Variants in GLE1 observed in about 807,000 individuals in gnomAD.
GLE1 encodes GLE1 RNA export mediator.
GLE1 carries 78 observed loss-of-function variants against 97.3 expected under a neutral mutation model. That is an observed-to-expected ratio of 0.80 (90% CI 0.67 to 0.97). The LOEUF (loss-of-function observed/expected upper bound fraction) is 0.97. GLE1 is among the 50% of genes least tolerant of loss of function. GLE1 has a pLI of 0.00. For missense variants in GLE1, 753 were observed against 857.5 expected, an observed-to-expected ratio of 0.88 and a Z score of 1.52; for synonymous variants, 302 against 313.4, an observed-to-expected ratio of 0.96 and a Z score of 0.39.
At chr9:128,511,360 A>C (rs565657677) in intron 2 of GLE1, among the ~76,000 whole-genome samples, 155 of 151,110 alleles carry the variant, frequency 1.0e-3, no homozygotes, top group African/African-American at 3.6e-3. Context: ...ATTTTTAGCA[A>C]CTGAACGTCT....
chr9:128,528,022 C>G (rs1847357773), intron 9 of GLE1, among the ~76,000 whole-genome samples: 1 of 115,192 alleles, frequency 8.7e-6, no homozygotes, highest in African/African-American at 3.4e-5. Flanking sequence ...TTTTTTGAGA[C>G]AGAGTCTTGC....
chr9:128,527,254 T>C lies in GLE1; in HGVS notation c.1205T>C (p.Leu402Ser), dbSNP rs1255169715. 1 of 1,611,442 alleles carries C rather than the reference T, an allele frequency of 6.2e-7. No individual in the cohort carries two copies. Among genetic ancestry groups the C allele is most frequent in the Admixed American group, 1.7e-5 (1 of 60,008 alleles). ...QLQDASMQCV[L>S]TFEGLTNSKD... ...CAGGATGCTTCCATGCAGTGTGTGT[T>C]GACCTTTGAGGGCCTGACCAACAGC... The change falls in exon 8 of 16, where the codon TTG becomes TCG. Residue 402 changes from leucine (L) to serine (S), a missense_variant. Coordinates refer to ENST00000309971, the MANE Select transcript of GLE1 (RefSeq NM_001003722.2).
chr9:128,532,351 G>C (rs1168342737), intron 9 of GLE1, among the ~76,000 whole-genome samples: 1 of 150,146 alleles, frequency 6.7e-6, no homozygotes, highest in Non-Finnish European at 1.5e-5. Flanking sequence ...CAGCCTCCCC[G>C]AGTAGCTGGG....
intron 4 of GLE1, among the ~76,000 whole-genome samples, chr9:128,523,039 C>T (rs532343942): frequency 8.6e-5 from 13 of 151,934 alleles, no homozygotes; most frequent in Non-Finnish European, 1.3e-4. Flanking sequence ...ATTTTACGGG[C>T]GTGGTGGAAC....
intron 4 of GLE1, 25 bp from the exon 5 acceptor site, chr9:128,523,255 T>A (rs1847204804): frequency 6.4e-7 from 1 of 1,563,996 alleles, no homozygotes; most frequent in Non-Finnish European, 8.8e-7. Context: ...TCCCTGACTA[T>A]TCCTCCCTGC....
intron 15 of GLE1, 43 bp from the exon 16 acceptor site, chr9:128,541,059 T>C: frequency 9.5e-7 from 1 of 1,057,852 alleles, no homozygotes; most frequent in Non-Finnish European, 1.5e-6. Context: ...GGGAACACTG[T>C]TATCAGAAAC....
chr9:128,522,566 G>T (rs1847180112), intron 3 of GLE1, 102 bp from the exon 4 acceptor site: 5 of 1,295,982 alleles, frequency 3.9e-6, no homozygotes, highest in Non-Finnish European at 5.2e-6. Flanking sequence ...GACAAGAATC[G>T]CTTGAACCCG....
chr9:128,505,865 G>A (rs1846626496), intron 1 of GLE1, among the ~76,000 whole-genome samples: 1 of 152,182 alleles, frequency 6.6e-6, no homozygotes, highest in Middle Eastern at 3.2e-3. Context: ...TTTTCCACAT[G>A]AATCGATACC....
chr9:128,506,317 C>T (rs1380395070), intron 1 of GLE1, among the ~76,000 whole-genome samples: 3 of 151,956 alleles, frequency 2.0e-5, no homozygotes, highest in Non-Finnish European at 4.4e-5. Context: ...TGCACTCAAG[C>T]CTGGGTGACA....
chr9:128,541,163 G>T lies in GLE1; in HGVS notation c.2090G>T (p.Arg697Leu). 2 of 1,556,266 alleles carry T rather than the reference G, an allele frequency of 1.3e-6. No homozygotes were observed. Among genetic ancestry groups the T allele is most frequent in the Non-Finnish European group, 1.8e-6 (2 of 1,127,296 alleles). ...PKGFLTSSFW[R>L]S is the part of the protein sequence containing the mutation. Reference sequence around the variant, plus strand: ...GGCTTTCTGACTTCCTCCTTCTGGCGCTCCTGATGTCACTCCATCACCCAC... The same window carrying T: ...GGCTTTCTGACTTCCTCCTTCTGGCTCTCCTGATGTCACTCCATCACCCAC... The change falls in exon 16 of 16, where the codon CGC becomes CTC. Residue 697 changes from arginine to leucine, a missense_variant. By Grantham distance (102) the Arg-to-Leu change is moderately radical (BLOSUM62 -2). Coordinates refer to ENST00000309971, the MANE Select transcript of GLE1 (RefSeq NM_001003722.2).
rs747030922 is a variant in GLE1 at position 128,523,850 on chromosome 9, A to T, written c.897+4A>T. ...GATCATCCGGGCCTCTTCAGAGGTGAGGGGGGCTTCAGAGTGACTCTTTGC... is the reference window on the plus strand; with the variant it reads ...GATCATCCGGGCCTCTTCAGAGGTGTGGGGGGCTTCAGAGTGACTCTTTGC... On this transcript the variant is annotated splice_donor_region_variant and intron_variant, in intron 6 of 15. Transcript: ENST00000309971. The T allele has an allele frequency of 6.2e-7, 1 of 1,613,800 alleles. No homozygotes were observed. The highest frequency in any genetic ancestry group is 8.5e-7 in the Non-Finnish European group (1 of 1,179,950).
chr9:128,539,216 AGAGT>A, intron 13 of GLE1, among the ~76,000 whole-genome samples: 1 of 152,278 alleles, frequency 6.6e-6, no homozygotes, highest in Admixed American at 6.5e-5. Flanking sequence ...CCTGGGCGAC[AGAGT>A]GAGACCCTAT....
chr9:128,540,240 A>T (rs1202622466), intron 14 of GLE1, 35 bp from the exon 15 acceptor site: 1 of 1,390,692 alleles, frequency 7.2e-7, no homozygotes. Flanking sequence ...GGTGTATATC[A>T]TAGGTGTGAT....
Position 128,504,853 on chromosome 9 carries a change from T to A in GLE1, c.48T>A (p.Ser16Arg). The A allele has an allele frequency of 6.2e-7, 1 of 1,613,778 alleles. No individual in the cohort carries two copies. Among genetic ancestry groups the A allele is most frequent in the Non-Finnish European group, 8.5e-7 (1 of 1,179,690 alleles). ...GGGAGACCTTGAAGGCCCTACGCAGTTCCGACAAAGGTCGCCTTTGCTACT... is the reference window on the plus strand; with the variant it reads ...GGGAGACCTTGAAGGCCCTACGCAGATCCGACAAAGGTCGCCTTTGCTACT... ...RCWETLKALR[S>R]SDKGRLCYYR... The change falls in exon 1 of 16, where the codon AGT (serine) becomes AGA (arginine). Residue 16 changes from serine to arginine, a missense_variant. Ser to Arg is a moderately radical substitution (Grantham distance 110). Transcript: ENST00000309971.
In GLE1 at chr9:128,523,311, C is replaced by A. The variant is rs1410182983; in HGVS notation, c.613C>A (p.Leu205Ile). ...SREALGHQEK[L>I]KAEHRHRAKI... ...AGAAGCCTTGGGACACCAAGAGAAGCTAAAAGCTGAGCACCGTCACAGAGC... is the reference window on the plus strand; with the variant it reads ...AGAAGCCTTGGGACACCAAGAGAAGATAAAAGCTGAGCACCGTCACAGAGC... The change falls in exon 5 of 16, where the codon CTA (leucine) becomes ATA (isoleucine). Residue 205 changes from leucine to isoleucine, a missense_variant. By Grantham distance (5) the Leu-to-Ile change is conservative (BLOSUM62 2). Transcript: ENST00000309971. 6.2e-7 allele frequency: 1 copy of A among 1,613,290 alleles called. No individual in the cohort carries two copies. Among genetic ancestry groups the A allele is most frequent in the African/African-American group, 1.3e-5 (1 of 74,904 alleles).
At chr9:128,538,821 A>G (rs1335738932) in intron 13 of GLE1, among the ~76,000 whole-genome samples, 1 of 152,174 alleles carries the variant, frequency 6.6e-6, no homozygotes, top group East Asian at 1.9e-4. Context: ...TAACCCTGCC[A>G]AAGTGTTGAG....
intron 3 of GLE1, among the ~76,000 whole-genome samples, chr9:128,517,564 T>A (rs1168883519): frequency 6.6e-6 from 1 of 152,214 alleles, no homozygotes; most frequent in Non-Finnish European, 1.5e-5. Flanking sequence ...GAGAAACGAC[T>A]AATTCTGCAT....
At chr9:128,511,429 C>T (rs1416683918) in intron 2 of GLE1, among the ~76,000 whole-genome samples, 1 of 151,184 alleles carries the variant, frequency 6.6e-6, no homozygotes, top group African/African-American at 2.4e-5. Context: ...TTAACTTGGC[C>T]GGGTGCAGTG....
rs1847891705 is a variant in GLE1 at position 128,541,919 on chromosome 9, A to C, written c.*749A>C. The C allele has an allele frequency of 1.3e-5, 2 of 152,256 alleles. No individual in the cohort carries two copies. Among genetic ancestry groups the C allele is most frequent in the African/African-American group, 4.8e-5 (2 of 41,446 alleles). 9.4% of individuals were successfully genotyped at this position (152,256 alleles called of 1,614,324 possible). ...GTTTTGTTTCTTTTCTGTTTGAATT[A>C]AGATGGGCTAAGATGGGGCTTGCAA... On this transcript the variant is annotated 3_prime_UTR_variant, in exon 16 of 16. Transcript: ENST00000309971.
Sources: allele counts gnomAD v4.1 joint callset (sites outside exome capture counted in the v4.1 genomes callset), GRCh38; gene constraint gnomAD v4.1.1; transcripts MANE v1.5; gene names NCBI Gene and HGNC (gene_info 2026-07-23, HGNC 2026-07-21).